Variants in ACOXL observed in about 807,000 individuals in gnomAD.
ACOXL encodes the protein acyl-coenzyme A oxidase-like protein.
ACOXL carries 70 observed loss-of-function variants against 71.9 expected under a neutral mutation model. The observed-to-expected ratio is 0.97, with a 90% CI of 0.80 to 1.19. ACOXL has a LOEUF of 1.19. Among genes scored for constraint, ACOXL ranks in the 50% most tolerant of loss-of-function variants. ACOXL has a pLI of 0.00. For missense variants in ACOXL, 703 were observed against 736.3 expected (o/e 0.95, Z 0.52); for synonymous variants, 253 against 281.6 (o/e 0.90, Z 1.02).
intron 7 of ACOXL, among the ~76,000 whole-genome samples, chr2:110,801,439 C>T (rs1163991272): frequency 2.0e-5 from 3 of 152,168 alleles, no homozygotes; most frequent in South Asian, 4.1e-4. Context: ...CCTCCACTCT[C>T]GCTAAGGAGG....
At chr2:110,865,878 A>G (rs574460010) in intron 10 of ACOXL, among the ~76,000 whole-genome samples, 1 of 151,678 alleles carries the variant, frequency 6.6e-6, no homozygotes, top group African/African-American at 2.4e-5. Flanking sequence ...CCTTATTTTT[A>G]ACTGCTGACA....
intron 10 of ACOXL, among the ~76,000 whole-genome samples, chr2:110,848,931 C>T (rs562500752): frequency 1.3e-5 from 2 of 152,368 alleles, no homozygotes; most frequent in African/African-American, 2.4e-5. Context: ...CCTCACTCCT[C>T]ACGCTGCTGT....
intron 10 of ACOXL, among the ~76,000 whole-genome samples, chr2:110,893,438 T>G (rs1349003339): frequency 1.3e-5 from 2 of 152,178 alleles, no homozygotes; most frequent in Non-Finnish European, 2.9e-5. Context: ...CAAAGTCATT[T>G]GAAAGGAAAA....
intron 9 of ACOXL, among the ~76,000 whole-genome samples, chr2:110,830,958 A>G (rs1334308021): frequency 6.6e-6 from 1 of 152,256 alleles, no homozygotes; most frequent in Non-Finnish European, 1.5e-5. Flanking sequence ...AAACTCTCAG[A>G]TAAATAGGAA....
chr2:110,941,357 A>G (rs1369571135), intron 12 of ACOXL, among the ~76,000 whole-genome samples: 3 of 152,198 alleles, frequency 2.0e-5, no homozygotes, highest in African/African-American at 7.2e-5. Flanking sequence ...AAAAATGGAC[A>G]ATATATGTAT....
chr2:111,106,754 A>G (rs895598488), intron 17 of ACOXL, among the ~76,000 whole-genome samples: 1 of 152,032 alleles, frequency 6.6e-6, no homozygotes, highest in African/African-American at 2.4e-5. Context: ...TAGGTTCTCT[A>G]CTTAGTCTCT....
chr2:110,875,858 G>C (rs1159742864), intron 10 of ACOXL, among the ~76,000 whole-genome samples: 5 of 152,072 alleles, frequency 3.3e-5, no homozygotes, highest in African/African-American at 4.8e-5. Context: ...AATGGATGAG[G>C]AGGTTAAGGC....
chr2:110,958,163 A>G (rs1022652267), intron 12 of ACOXL, among the ~76,000 whole-genome samples: 2 of 152,074 alleles, frequency 1.3e-5, no homozygotes, highest in Non-Finnish European at 2.9e-5. Flanking sequence ...ACACACTCTC[A>G]TGCATACTCT....
At chr2:110,849,959 CATGA>C (rs1573825399) in intron 10 of ACOXL, among the ~76,000 whole-genome samples, 1 of 152,156 alleles carries the variant, frequency 6.6e-6, no homozygotes, top group East Asian at 1.9e-4. Flanking sequence ...GCAGACCCCA[CATGA>C]ATGATCAATG....
chr2:110,765,977 A>G (rs946914522), intron 1 of ACOXL, among the ~76,000 whole-genome samples: 2 of 152,198 alleles, frequency 1.3e-5, no homozygotes, highest in Non-Finnish European at 2.9e-5. Context: ...TTTCAGTTCT[A>G]TGAGTTCCAT....
chr2:110,911,677 A>G (rs2059656222), intron 11 of ACOXL, among the ~76,000 whole-genome samples: 1 of 152,112 alleles, frequency 6.6e-6, no homozygotes, highest in South Asian at 2.1e-4. Flanking sequence ...TCATGATAAA[A>G]ACGCTCAACA....
At chr2:111,048,978 C>T (rs2066152991) in intron 15 of ACOXL, among the ~76,000 whole-genome samples, 1 of 152,106 alleles carries the variant, frequency 6.6e-6, no homozygotes, top group Admixed American at 6.5e-5. Flanking sequence ...TAGGGAGGAG[C>T]TTTGCTGATG....
intron 16 of ACOXL, among the ~76,000 whole-genome samples, chr2:111,078,704 T>C (rs943028105): frequency 3.3e-5 from 5 of 152,266 alleles, no homozygotes; most frequent in African/African-American, 1.2e-4. Context: ...ATTTTGCTGT[T>C]GGCATCCGTT....
chr2:110,917,157 G>A (rs985393338), intron 11 of ACOXL, among the ~76,000 whole-genome samples: 15 of 151,998 alleles, frequency 9.9e-5, no homozygotes, highest in African/African-American at 3.6e-4. Context: ...AAAAATCCTC[G>A]ATAAAATACT....
chr2:110,993,884 CTTATT>C (rs1188465732), intron 13 of ACOXL, among the ~76,000 whole-genome samples: 10 of 152,154 alleles, frequency 6.6e-5, no homozygotes, highest in Middle Eastern at 3.2e-3. Flanking sequence ...TCTAATGATA[CTTATT>C]TTAATTTAAT....
chr2:110,908,723 T>C, intron 10 of ACOXL, 66 bp from the exon 11 acceptor site: 1 of 1,260,882 alleles, frequency 7.9e-7, no homozygotes, highest in Non-Finnish European at 1.2e-6. Context: ...CATTTTTAGC[T>C]CTGGAAATGA....
intron 15 of ACOXL, among the ~76,000 whole-genome samples, chr2:111,033,450 A>G (rs973499655): frequency 6.6e-6 from 1 of 152,162 alleles, no homozygotes; most frequent in Non-Finnish European, 1.5e-5. Context: ...TTCAGATAGA[A>G]TTCAGTTATA....
At chr2:110,761,360 T>C (rs1337052054) in intron 1 of ACOXL, among the ~76,000 whole-genome samples, 1 of 152,216 alleles carries the variant, frequency 6.6e-6, no homozygotes, top group Non-Finnish European at 1.5e-5. Flanking sequence ...TGTTGATTAA[T>C]ATCAACTCCC....
intron 10 of ACOXL, among the ~76,000 whole-genome samples, chr2:110,903,769 C>T (rs999306946): frequency 1.3e-5 from 2 of 152,238 alleles, no homozygotes; most frequent in African/African-American, 2.4e-5. Context: ...GGCCCTGTGC[C>T]AGGATGCTGG....
Sources: gnomAD v4.1 joint callset for allele counts (sites outside exome capture counted in the v4.1 genomes callset) on GRCh38, gnomAD v4.1.1 for gene constraint, MANE v1.5 for transcripts, NCBI Gene and HGNC (gene_info 2026-07-23, HGNC 2026-07-21) for gene names.